PPP2R2B: variants seen among roughly 807,000 people sequenced by gnomAD.
PPP2R2B encodes the protein serine/threonine-protein phosphatase 2A 55 kDa regulatory subunit B beta isoform.
PPP2R2B carries 5 observed loss-of-function variants against 46.0 expected under a neutral mutation model. The ratio of observed to expected loss-of-function variants is 0.11; its 90% CI spans 0.06 to 0.23. The LOEUF (loss-of-function observed/expected upper bound fraction) is 0.23. Among genes scored for constraint, PPP2R2B ranks in the 10% least tolerant of loss-of-function variants. PPP2R2B has a pLI of 1.00. For synonymous variants in PPP2R2B, 215 were observed against 206.7 expected, an observed-to-expected ratio of 1.04 and a Z score of -0.34; for missense variants, 367 against 575.0, an observed-to-expected ratio of 0.64 and a Z score of 3.70.
chr5:146,646,000 T>A (rs116403959), intron 6 of PPP2R2B, among the ~76,000 whole-genome samples: 1 of 152,224 alleles, frequency 6.6e-6, no homozygotes, highest in African/African-American at 2.4e-5. Flanking sequence ...CTTTCAGATC[T>A]TAACTAATTC....
At chr5:146,685,176 A>G (rs34714820) in intron 5 of PPP2R2B, among the ~76,000 whole-genome samples, 7,374 of 151,580 alleles carry the variant, frequency 0.049, 597 homozygotes, top group African/African-American at 0.17. Context: ...ATCAAGTGCC[A>G]TGCCATAAAT....
At chr5:146,690,978 C>T (rs562013453) in intron 5 of PPP2R2B, 150 bp downstream of exon 5, 3 of 612,680 alleles carry the variant, frequency 4.9e-6, no homozygotes, top group South Asian at 4.2e-5. Context: ...TCTCCATCTG[C>T]CACCAGAGAG....
chr5:146,647,711 T>G (rs1191901504), intron 6 of PPP2R2B, among the ~76,000 whole-genome samples: 1 of 152,132 alleles, frequency 6.6e-6, no homozygotes, highest in Non-Finnish European at 1.5e-5. Flanking sequence ...GAGGCAAAAT[T>G]CAGAAAACAT....
At chr5:146,797,537 G>C (rs1756614287) in intron 2 of PPP2R2B, among the ~76,000 whole-genome samples, 1 of 152,148 alleles carries the variant, frequency 6.6e-6, no homozygotes, top group Non-Finnish European at 1.5e-5. Flanking sequence ...AAGCTGTAAA[G>C]CTGAAAGACT....
chr5:146,621,123 G>A (rs1437384658), intron 7 of PPP2R2B, among the ~76,000 whole-genome samples: 2 of 152,252 alleles, frequency 1.3e-5, no homozygotes, highest in South Asian at 2.1e-4. Flanking sequence ...GGACCCTGGT[G>A]TGAGCTGGTC....
At chr5:146,875,181 G>A (rs1334774216) in intron 2 of PPP2R2B, among the ~76,000 whole-genome samples, 1 of 152,100 alleles carries the variant, frequency 6.6e-6, no homozygotes, top group Admixed American at 6.5e-5. Context: ...AAATGGAAAT[G>A]ACAACATCCA....
At chr5:146,653,556 T>C (rs1156687242) in intron 5 of PPP2R2B, among the ~76,000 whole-genome samples, 3 of 152,112 alleles carry the variant, frequency 2.0e-5, no homozygotes, top group African/African-American at 2.4e-5. Flanking sequence ...ACAAAAGAAA[T>C]GGAATCTGCA....
intron 1 of PPP2R2B, among the ~76,000 whole-genome samples, chr5:146,929,769 G>A (rs944189744): frequency 5.3e-5 from 8 of 152,094 alleles, no homozygotes; most frequent in Non-Finnish European, 1.0e-4. Flanking sequence ...TAGACTACTA[G>A]GGTTTATATC....
upstream of PPP2R2B, among the ~76,000 whole-genome samples, chr5:147,057,594 G>A (rs1757129480): frequency 6.6e-6 from 1 of 152,280 alleles, no homozygotes; most frequent in Non-Finnish European, 1.5e-5. Context: ...AGAATAACAA[G>A]GTTTTCCTCA....
chr5:146,770,587 T>A (rs1754791395), intron 2 of PPP2R2B, among the ~76,000 whole-genome samples: 2 of 152,216 alleles, frequency 1.3e-5, no homozygotes, highest in African/African-American at 4.8e-5. Flanking sequence ...TTTCTACTTT[T>A]ATGCTTCTCT....
intron 2 of PPP2R2B, among the ~76,000 whole-genome samples, chr5:147,069,993 G>A (rs777743613): frequency 6.6e-6 from 1 of 151,784 alleles, no homozygotes; most frequent in African/African-American, 2.4e-5. Flanking sequence ...GTTTCACCAT[G>A]TTAGTCAGGC....
chr5:146,987,420 G>A (rs1464319785), intron 1 of PPP2R2B, among the ~76,000 whole-genome samples: 2 of 151,974 alleles, frequency 1.3e-5, no homozygotes, highest in African/African-American at 2.4e-5. Flanking sequence ...TAATTACAAT[G>A]ATTTGTTAAA....
At chr5:146,762,528 A>G (rs983926161) in intron 2 of PPP2R2B, among the ~76,000 whole-genome samples, 17 of 152,236 alleles carry the variant, frequency 1.1e-4, no homozygotes, top group African/African-American at 3.4e-4. Flanking sequence ...GAGATGAAAA[A>G]TATCTAAGCA....
At chr5:146,601,529 G>T (rs1220897639) in intron 7 of PPP2R2B, among the ~76,000 whole-genome samples, 1 of 152,152 alleles carries the variant, frequency 6.6e-6, no homozygotes, top group East Asian at 1.9e-4. Context: ...CTGGGCAACA[G>T]ATCGAGATCC....
chr5:146,904,170 T>G (rs1211370878), intron 1 of PPP2R2B, among the ~76,000 whole-genome samples: 1 of 152,154 alleles, frequency 6.6e-6, no homozygotes, highest in African/African-American at 2.4e-5. Context: ...TATTTGTTCT[T>G]GAGTTTCTAA....
upstream of PPP2R2B, among the ~76,000 whole-genome samples, chr5:147,057,763 G>T (rs528284714): frequency 5.3e-5 from 8 of 152,282 alleles, no homozygotes; most frequent in East Asian, 1.5e-3. Flanking sequence ...GAGGAGTGAG[G>T]CTGCAGTTAG....
upstream of PPP2R2B, among the ~76,000 whole-genome samples, chr5:146,882,906 C>T (rs1762211869): frequency 6.6e-6 from 1 of 152,212 alleles, no homozygotes; most frequent in African/African-American, 2.4e-5. Flanking sequence ...TTACCCAGTT[C>T]AGTATTGACA....
upstream of PPP2R2B, among the ~76,000 whole-genome samples, chr5:146,880,818 T>C (rs1287724777): frequency 6.6e-6 from 1 of 152,230 alleles, no homozygotes; most frequent in Non-Finnish European, 1.5e-5. Flanking sequence ...CCTGCATTTA[T>C]TCAACAGTCC....
intron 1 of PPP2R2B, among the ~76,000 whole-genome samples, chr5:146,966,127 A>C (rs1236345342): frequency 2.0e-5 from 3 of 152,238 alleles, no homozygotes; most frequent in Admixed American, 2.0e-4. Context: ...ACCCATTAGA[A>C]AGGAAAACCG....
Sources: gnomAD v4.1 joint callset for allele counts (sites outside exome capture counted in the v4.1 genomes callset) on GRCh38, gnomAD v4.1.1 for gene constraint, MANE v1.5 for transcripts, NCBI Gene and HGNC (gene_info 2026-07-23, HGNC 2026-07-21) for gene names.